ABHD2: variants seen among roughly 807,000 people sequenced by gnomAD.
The protein encoded by ABHD2 is monoacylglycerol lipase ABHD2.
Under a neutral mutation model 48.1 loss-of-function variants are expected in ABHD2, and 20 were observed. That is an observed-to-expected ratio of 0.42 (90% CI 0.29 to 0.60). ABHD2 has a LOEUF of 0.60. Ranked by LOEUF, ABHD2 falls within the 20% of genes least tolerant of loss-of-function variation. ABHD2 has a pLI of 0.24. For synonymous variants in ABHD2, 209 were observed against 214.2 expected, an observed-to-expected ratio of 0.98 and a Z score of 0.21; for missense variants, 405 against 550.9, an observed-to-expected ratio of 0.74 and a Z score of 2.65.
intron 8 of ABHD2, among the ~76,000 whole-genome samples, chr15:89,190,192 C>G (rs892432663): frequency 6.6e-6 from 1 of 152,224 alleles, no homozygotes; most frequent in Non-Finnish European, 1.5e-5. Context: ...ACCCACCATT[C>G]AGAAGCCAGA....
In ABHD2 at chr15:89,167,556, A is replaced by T. The variant is rs1441645087; in HGVS notation, c.539-8256A>T. ...TGCACTTTCAGGATGATATCTGAAT[A>T]CTTAAACCTTTAGCCATAAGAGGGC... On this transcript the variant is annotated intron_variant, in intron 5 of 10. Transcript: ENST00000352732. This position sits in a 1 kb window ranked among gnomAD's most constrained non-coding sequence, Gnocchi z 5.5. Among the ~76,000 whole-genome samples, 1 of 152,210 alleles carries T rather than the reference A, an allele frequency of 6.6e-6. No individual in the cohort carries two copies. The highest frequency in any genetic ancestry group is 6.5e-5 in the Admixed American group (1 of 15,290).
chr15:89,124,966 G>A (rs2050108948), intron 3 of ABHD2, among the ~76,000 whole-genome samples: 1 of 152,200 alleles, frequency 6.6e-6, no homozygotes, highest in African/African-American at 2.4e-5. Flanking sequence ...GCAGGTGCCT[G>A]TAATCCCAGC....
At chr15:89,107,179 T>C (rs1391299076) in intron 1 of ABHD2, among the ~76,000 whole-genome samples, 2 of 152,126 alleles carry the variant, frequency 1.3e-5, no homozygotes, top group Non-Finnish European at 2.9e-5. Context: ...GTTCCAGCTG[T>C]GCACTGCCAA....
At position 89,100,415 on chromosome 15, in the gene ABHD2, C is replaced by T. The variant is rs993840097; in HGVS notation, c.-107+11852C>T. Among the ~76,000 whole-genome samples, 1 of 152,112 alleles carries T rather than the reference C, an allele frequency of 6.6e-6. No individual in the cohort carries two copies. The highest frequency in any genetic ancestry group is 1.5e-5 in the Non-Finnish European group (1 of 68,018). On this transcript the variant is annotated intron_variant, in intron 1 of 10. Coordinates refer to ENST00000352732, the MANE Select transcript of ABHD2 (RefSeq NM_152924.5). This position sits in a 1 kb window ranked among gnomAD's most constrained non-coding sequence, Gnocchi z 4.4. ...ATCCTCCCACTTGCCCGAAGCCACACAACTAGTAAGTAGTGTAGCTGCAGT... is the reference window on the plus strand; with the variant it reads ...ATCCTCCCACTTGCCCGAAGCCACATAACTAGTAAGTAGTGTAGCTGCAGT...
At position 89,176,101 on chromosome 15, in the gene ABHD2, G is replaced by A. The variant is rs916136851; in HGVS notation, c.722+106G>A. On this transcript the variant is annotated intron_variant, in intron 6 of 10. Transcript: ENST00000352732. This position sits in a 1 kb window ranked among gnomAD's most constrained non-coding sequence, Gnocchi z 4.5. ...GTGAAGACCGGGGAACACTGTGGCC[G>A]ACTGAGTAGAAGTTTCTGAGTCTTG... 26 of 1,229,860 alleles carry A rather than the reference G, an allele frequency of 2.1e-5. No individual in the cohort carries two copies. Among genetic ancestry groups the A allele is most frequent in the Admixed American group, 1.5e-4 (6 of 38,764 alleles). 76.2% of individuals were successfully genotyped at this position (1,229,860 alleles called of 1,614,324 possible).
In ABHD2 at chr15:89,091,092, A is replaced by G. The variant is rs777829711; in HGVS notation, c.-107+2529A>G. 1.3e-5 allele frequency among the ~76,000 whole-genome samples: 2 copies of G among 152,096 alleles called. No homozygotes were observed. Among genetic ancestry groups the G allele is most frequent in the Non-Finnish European group, 2.9e-5 (2 of 68,014 alleles). On this transcript the variant is annotated intron_variant, in intron 1 of 10. Transcript: ENST00000352732. The surrounding 1 kb of genome is among the most constrained non-coding windows in gnomAD (Gnocchi z 5.5). ...ACAAGGGAATGGTCTTTTTCCTCTC[A>G]TTTTAGTCAGGGTCGTTCACTTTTT...
At chr15:89,043,716 AGGGAGAAGGAGGAGG>A in the ABHD2 span, among the ~76,000 whole-genome samples, 2 of 119,078 alleles carry the variant, frequency 1.7e-5, no homozygotes, top group African/African-American at 6.4e-5. Flanking sequence ...GAGGAAGAGG[AGGGAGAAGGAGGAGG>A]GGGAGAAGGA....
At chr15:89,147,182 C>T (rs78866940) in intron 3 of ABHD2, among the ~76,000 whole-genome samples, 9,216 of 152,132 alleles carry the variant, frequency 0.061, 983 homozygotes, top group African/African-American at 0.21. Flanking sequence ...ATAGGCCATT[C>T]ATTGTGCAAG....
the ABHD2 span, among the ~76,000 whole-genome samples, chr15:89,062,611 C>A: frequency 6.6e-6 from 1 of 152,106 alleles, no homozygotes; most frequent in Admixed American, 6.5e-5. Context: ...TTGTCTTGAA[C>A]TCCTGGGCTC....
chr15:89,138,865 T>G (rs377175967), intron 3 of ABHD2, among the ~76,000 whole-genome samples: 7 of 74,170 alleles, frequency 9.4e-5, no homozygotes, highest in East Asian at 2.5e-4. Context: ...TTTTTTTTTT[T>G]CTTTTTTTTT....
In ABHD2 at chr15:89,175,170, T is replaced by G. The variant is rs1347062797; in HGVS notation, c.539-642T>G. ...TACACATGGGTATAGCATCCCAATT[T>G]GTAGCCTAGGAAGCTAATCTCAAAG... On this transcript the variant is annotated intron_variant, in intron 5 of 10. Coordinates refer to ENST00000352732, the MANE Select transcript of ABHD2 (RefSeq NM_152924.5). The surrounding 1 kb of genome is among the most constrained non-coding windows in gnomAD (Gnocchi z 5.7). Among the ~76,000 whole-genome samples the G allele has an allele frequency of 2.0e-5, 3 of 152,234 alleles. No homozygotes were observed. Among genetic ancestry groups the G allele is most frequent in the African/African-American group, 4.8e-5 (2 of 41,462 alleles).
intron 5 of ABHD2, among the ~76,000 whole-genome samples, chr15:89,163,726 C>T (rs1178459107): frequency 6.6e-6 from 1 of 152,208 alleles, no homozygotes; most frequent in African/African-American, 2.4e-5. Flanking sequence ...TGGTAGTGGT[C>T]ATTACTGTTC....
upstream of ABHD2, among the ~76,000 whole-genome samples, chr15:89,085,218 T>G (rs1242519104): frequency 6.6e-6 from 1 of 151,966 alleles, no homozygotes; most frequent in Non-Finnish European, 1.5e-5. The surrounding 1 kb of genome is among the most constrained non-coding windows in gnomAD (Gnocchi z 4.2). Context: ...GGGCATACCC[T>G]CTCCCTTGTT....
chr15:89,192,381 C>A (rs2051321405), intron 9 of ABHD2, among the ~76,000 whole-genome samples: 1 of 152,208 alleles, frequency 6.6e-6, no homozygotes, highest in African/African-American at 2.4e-5. Flanking sequence ...TCAGTACCAT[C>A]TCCACTAAAA....
chr15:89,101,810 A>G (rs1309053591), intron 1 of ABHD2, among the ~76,000 whole-genome samples: 2 of 152,160 alleles, frequency 1.3e-5, no homozygotes, highest in African/African-American at 2.4e-5. Flanking sequence ...AGGTTGTACA[A>G]AACTAGTTAG....
rs769547401 is a variant in ABHD2, at chr15:89,179,257, G to A, written c.722+3262G>A. On this transcript the variant is annotated intron_variant, in intron 6 of 10. Coordinates refer to ENST00000352732, the MANE Select transcript of ABHD2 (RefSeq NM_152924.5). This position sits in a 1 kb window ranked among gnomAD's most constrained non-coding sequence, Gnocchi z 4.3. ...CCCAACTGCTGTTAGGAACCAGGCC[G>A]CACAGCAGGAGGTGAGCGGTGGGCA... 5.9e-5 allele frequency among the ~76,000 whole-genome samples: 9 copies of A among 152,158 alleles called. No individual in the cohort carries two copies. The highest frequency in any genetic ancestry group is 1.9e-4 in the East Asian group (1 of 5,196).
In ABHD2 at chr15:89,182,117, C is replaced by T. The variant is rs2051124202; in HGVS notation, c.723-3307C>T. The stretch of plus-strand genomic sequence containing the variant: ...GGATGGACAAAGTTCTTTAAAAATC[C>T]TTATGGATTATTCTCAAAAAAGACT... On this transcript the variant is annotated intron_variant, in intron 6 of 10. Coordinates refer to ENST00000352732, the MANE Select transcript of ABHD2 (RefSeq NM_152924.5). The surrounding 1 kb of genome is among the most constrained non-coding windows in gnomAD (Gnocchi z 4.8). Among the ~76,000 whole-genome samples the T allele has an allele frequency of 6.6e-6, 1 of 152,080 alleles. No individual in the cohort carries two copies. Among genetic ancestry groups the T allele is most frequent in the Non-Finnish European group, 1.5e-5 (1 of 67,998 alleles).
At position 89,181,236 on chromosome 15, in the gene ABHD2, A is replaced by AAAAAC. The variant is rs1296461498; in HGVS notation, c.723-4184_723-4183insCAAAA. Reference sequence around the variant, plus strand: ...AGAGCGAGACTCTGTCTCAAAAAAAAAAAAAAAAAAAAAACAAGATGGTAA... The same window carrying AAAAAC: ...AGAGCGAGACTCTGTCTCAAAAAAAAAAAACAAAAAAAAAAAAAACAAGATGGTAA... On this transcript the variant is annotated intron_variant, in intron 6 of 10. Coordinates refer to ENST00000352732, the MANE Select transcript of ABHD2 (RefSeq NM_152924.5). Among the ~76,000 whole-genome samples, 57 of 151,342 alleles carry AAAAAC rather than the reference A, an allele frequency of 3.8e-4. 2 individuals are homozygous for AAAAAC. The South Asian group carries it at 5.4e-3, about 14-fold the overall frequency.
chr15:89,190,164 C>A (rs16942827), intron 8 of ABHD2, among the ~76,000 whole-genome samples: 6,510 of 152,208 alleles, frequency 0.043, 467 homozygotes, highest in African/African-American at 0.15. Flanking sequence ...GCTTAAAGAC[C>A]CTAGTCAAAA....
Sources: gnomAD v4.1 joint callset for allele counts (sites outside exome capture counted in the v4.1 genomes callset) on GRCh38, gnomAD v4.1.1 for gene constraint, Gnocchi (gnomAD v3.1) non-coding constraint, MANE v1.5 for transcripts, NCBI Gene and HGNC (gene_info 2026-07-23, HGNC 2026-07-21) for gene names.